The following NIPSNAP1 variants were observed in gnomAD, a reference collection of about 807,000 sequenced individuals.
NIPSNAP1 encodes the protein nipsnap homolog 1.
A neutral mutation model predicts 49.2 loss-of-function variants in NIPSNAP1; 25 were observed. The observed-to-expected ratio is 0.51, with a 90% CI of 0.37 to 0.71. NIPSNAP1 has a LOEUF of 0.71. NIPSNAP1 is among the 30% of genes least tolerant of loss of function. The pLI is 0.00. For missense variants in NIPSNAP1, 294 were observed against 361.0 expected, an observed-to-expected ratio of 0.81 and a Z score of 1.50; for synonymous variants, 143 against 140.7, an observed-to-expected ratio of 1.02 and a Z score of -0.12.
intron 9 of NIPSNAP1, 52 bp from the exon 10 acceptor site, chr22:29,556,051 C>T (rs898986518): frequency 6.7e-7 from 1 of 1,482,598 alleles, no homozygotes. Context: ...AAGCCAACAA[C>T]CTCCCCTGGC....
At chr22:29,576,179 C>T (rs961764588) in intron 1 of NIPSNAP1, among the ~76,000 whole-genome samples, 3 of 150,316 alleles carry the variant, frequency 2.0e-5, no homozygotes, top group African/African-American at 5.0e-5. Flanking sequence ...CTACCACACC[C>T]GGCTAATTTT....
At chr22:29,580,174 A>G (rs1308533770) in intron 1 of NIPSNAP1, 1 of 1,304,090 alleles carries the variant, frequency 7.7e-7, no homozygotes, top group Admixed American at 2.3e-5. Flanking sequence ...ACAGAGAAAA[A>G]TGAGATCATG....
At position 29,581,078 on chromosome 22, in the gene NIPSNAP1, G is replaced by A. The variant is rs199579423; in HGVS notation, c.5C>T (p.Ala2Val). ...CACAGAGATGCTGCACAGCCGCGGA[G>A]CCATGTTGGAGCCGCAAAGGTTGCA... Reference protein sequence around the residue: MAPRLCSISVTA... With the variant: MVPRLCSISVTA... Residue 2 changes from alanine to valine, a missense_variant, in exon 1 of 10, where the codon GCT becomes GTT. By Grantham distance (64) the Ala-to-Val change is moderately conservative (BLOSUM62 0). Coordinates refer to ENST00000216121, the MANE Select transcript of NIPSNAP1 (RefSeq NM_003634.4). The A allele has an allele frequency of 5.6e-5, 86 of 1,541,716 alleles. No homozygotes were observed. The East Asian group carries it at 1.2e-3, about 22-fold the overall frequency.
intron 4 of NIPSNAP1, 113 bp from the exon 5 acceptor site, chr22:29,561,975 T>TATAC (rs2064339476): frequency 1.2e-6 from 1 of 853,156 alleles, no homozygotes; most frequent in African/African-American, 1.7e-5. Flanking sequence ...TGGTTCCCTG[T>TATAC]AGCAGCAAGA....
chr22:29,567,378 C>T (rs1252621796), intron 4 of NIPSNAP1, among the ~76,000 whole-genome samples: 1 of 152,174 alleles, frequency 6.6e-6, no homozygotes, highest in African/African-American at 2.4e-5. Context: ...ATATGTGCTG[C>T]ATATTGGGGA....
intron 1 of NIPSNAP1, among the ~76,000 whole-genome samples, chr22:29,579,249 A>G (rs2064478212): frequency 7.3e-6 from 1 of 137,238 alleles, no homozygotes; most frequent in South Asian, 2.3e-4. Context: ...TTGTATTTTT[A>G]GTAGAGACAC....
chr22:29,573,108 C>T (rs990390046), intron 1 of NIPSNAP1, among the ~76,000 whole-genome samples: 4 of 152,134 alleles, frequency 2.6e-5, no homozygotes, highest in African/African-American at 4.8e-5. Flanking sequence ...ATGATCTCCA[C>T]TCACTGCAAC....
intron 1 of NIPSNAP1, among the ~76,000 whole-genome samples, chr22:29,579,095 C>T (rs1465636931): frequency 2.7e-5 from 4 of 150,444 alleles, no homozygotes; most frequent in Non-Finnish European, 4.4e-5. Flanking sequence ...TTTTTGTAGA[C>T]GGAGTCTCGC....
intron 9 of NIPSNAP1, among the ~76,000 whole-genome samples, chr22:29,558,239 G>A (rs1171090752): frequency 1.3e-5 from 2 of 152,190 alleles, no homozygotes; most frequent in East Asian, 3.8e-4. Context: ...GGAGGCCGAG[G>A]CAGGCGGATC....
intron 1 of NIPSNAP1, among the ~76,000 whole-genome samples, chr22:29,576,531 C>T (rs2064453729): frequency 6.6e-6 from 1 of 151,416 alleles, no homozygotes; most frequent in Non-Finnish European, 1.5e-5. Flanking sequence ...GTGCTGGGCA[C>T]ATGGTGAGAA....
intron 7 of NIPSNAP1, 61 bp downstream of exon 7, chr22:29,561,110 T>C (rs1163242277): frequency 2.0e-6 from 3 of 1,516,134 alleles, no homozygotes; most frequent in Non-Finnish European, 2.8e-6. Flanking sequence ...ACCAGGGGCC[T>C]TGGTGGGGCA....
chr22:29,573,264 C>T (rs371273339), intron 1 of NIPSNAP1, among the ~76,000 whole-genome samples: 4 of 151,992 alleles, frequency 2.6e-5, no homozygotes, highest in East Asian at 3.9e-4. Context: ...CTCGATCTCT[C>T]GACCTCATGA....
chr22:29,573,990 T>G (rs1362482548), intron 1 of NIPSNAP1, among the ~76,000 whole-genome samples: 4 of 151,234 alleles, frequency 2.6e-5, no homozygotes, highest in Non-Finnish European at 5.9e-5. Flanking sequence ...GCATGGTGGC[T>G]CATGCCTGTA....
rs371883876 is a variant in NIPSNAP1, at chr22:29,558,183, T to C, written c.790+687A>G. Among the ~76,000 whole-genome samples, 7 of 152,188 alleles carry C rather than the reference T, an allele frequency of 4.6e-5. No individual in the cohort carries two copies. The East Asian group carries it at 1.4e-3, about 29-fold the overall frequency. Reference sequence around the variant, plus strand: ...GAGAAAGCACTTTTCATAAATGAGTTTGTGGGCCAGATGTGGTGGCTCATG... The same window carrying C: ...GAGAAAGCACTTTTCATAAATGAGTCTGTGGGCCAGATGTGGTGGCTCATG... On this transcript the variant is annotated intron_variant, in intron 9 of 9. Coordinates refer to ENST00000216121, the MANE Select transcript of NIPSNAP1 (RefSeq NM_003634.4).
intron 5 of NIPSNAP1, 40 bp from the exon 6 acceptor site, chr22:29,561,686 C>T (rs771565074): frequency 6.8e-6 from 11 of 1,614,066 alleles, no homozygotes; most frequent in Middle Eastern, 1.6e-4. Context: ...CCAGGAAGTG[C>T]GCTCCATCCT....
At chr22:29,558,115 A>T (rs889612239) in intron 9 of NIPSNAP1, among the ~76,000 whole-genome samples, 1 of 152,168 alleles carries the variant, frequency 6.6e-6, no homozygotes, top group African/African-American at 2.4e-5. Context: ...CAAAAACCTT[A>T]TTCAAAAACA....
chr22:29,561,447 A>G, intron 6 of NIPSNAP1, 59 bp downstream of exon 6: 1 of 1,611,032 alleles, frequency 6.2e-7, no homozygotes, highest in Non-Finnish European at 8.5e-7. Context: ...GGGCAGCTGC[A>G]AAGCAGCATT....
At chr22:29,575,100 C>A (rs2064441751) in intron 1 of NIPSNAP1, among the ~76,000 whole-genome samples, 1 of 152,148 alleles carries the variant, frequency 6.6e-6, no homozygotes, top group Non-Finnish European at 1.5e-5. Context: ...AGGGACCTGA[C>A]CTTTGGTTTT....
chr22:29,581,041 C>T lies in NIPSNAP1; in HGVS notation c.42G>A (p.Arg14=), dbSNP rs1340573162. ...RLCSISVTAR[R]LLGGPGPRAG... ...CGCGAGGCCCCGGGCCCCCCAGCAG[C>T]CGCCGCGCCGTCACAGAGATGCTGC... Residue 14 remains arginine (R), a synonymous_variant, in exon 1 of 10, where the codon CGG becomes CGA. Transcript: ENST00000216121. The T allele has an allele frequency of 6.5e-7, 1 of 1,539,152 alleles. No individual in the cohort carries two copies. The highest frequency in any genetic ancestry group is 8.7e-7 in the Non-Finnish European group (1 of 1,145,452).
Sources: allele counts gnomAD v4.1 joint callset (sites outside exome capture counted in the v4.1 genomes callset), GRCh38; gene constraint gnomAD v4.1.1; transcripts MANE v1.5; gene names NCBI Gene and HGNC (gene_info 2026-07-23, HGNC 2026-07-21).